Variants in ETV3L observed in about 807,000 individuals in gnomAD.
ETV3L encodes the protein ETS translocation variant 3-like protein.
Under a neutral mutation model 27.6 loss-of-function variants are expected in ETV3L, and 30 were observed. The observed-to-expected ratio is 1.09, with a 90% CI of 0.81 to 1.48. The LOEUF is 1.48. ETV3L is among the 40% of genes most tolerant of loss of function. The pLI, the probability that ETV3L is intolerant of heterozygous loss-of-function variation, is 0.00. For missense variants in ETV3L, 443 were observed against 455.6 expected (o/e 0.97, Z 0.25); for synonymous variants, 186 against 188.9 (o/e 0.98, Z 0.12).
intron 4 of ETV3L, 44 bp downstream of exon 4, chr1:157,097,824 T>C: frequency 1.2e-6 from 2 of 1,609,568 alleles, no homozygotes; most frequent in Non-Finnish European, 8.5e-7. Context: ...CCCTCCCTCC[T>C]CTGGCTAAGA....
intron 4 of ETV3L, among the ~76,000 whole-genome samples, chr1:157,096,008 C>T (rs887462163): frequency 6.6e-6 from 1 of 152,182 alleles, no homozygotes; most frequent in Non-Finnish European, 1.5e-5. Flanking sequence ...CCATTTCCAC[C>T]TCTTCTCCCA....
intron 4 of ETV3L, among the ~76,000 whole-genome samples, chr1:157,094,667 C>A (rs1452774040): frequency 6.6e-6 from 1 of 152,268 alleles, no homozygotes; most frequent in South Asian, 2.1e-4. Context: ...AATCCCAGCA[C>A]TTTGGGAGGC....
intron 3 of ETV3L, 33 bp downstream of exon 3, chr1:157,098,673 G>A (rs1011683437): frequency 1.3e-6 from 2 of 1,536,408 alleles, no homozygotes; most frequent in African/African-American, 1.4e-5. Context: ...GGACCTGGTG[G>A]AGCCCTGAGA....
At chr1:157,097,501 AT>A (rs1214113769) in intron 4 of ETV3L, among the ~76,000 whole-genome samples, 2 of 151,128 alleles carry the variant, frequency 1.3e-5, no homozygotes, top group Non-Finnish European at 3.0e-5. Context: ...GAATAAATAA[AT>A]GCTATTCCCT....
In ETV3L at chr1:157,098,877, C is replaced by A. The variant is rs1674284268; in HGVS notation, c.315G>T (p.Arg105Ser). ...SRALRYYYNK[R>S]ILHKTKGKRF... is the part of the protein sequence containing the mutation. ...TTTTGCCTTTGGTCTTATGCAGGAT[C>A]CTCTTATTGTAGTAATATCTGGAGA... The change falls in exon 3 of 5, where the codon AGG (arginine) becomes AGT (serine). Residue 105 changes from arginine to serine, a missense_variant. Coordinates refer to ENST00000454449, the MANE Select transcript of ETV3L (RefSeq NM_001004341.2). The A allele has an allele frequency of 1.2e-6, 2 of 1,612,598 alleles. No individual in the cohort carries two copies. The highest frequency in any genetic ancestry group is 2.2e-5 in the East Asian group (1 of 44,870).
At position 157,098,764 on chromosome 1, in the gene ETV3L, A is replaced by G. The variant is rs1354808177; in HGVS notation, c.428T>C (p.Leu143Pro). Reference protein sequence around the residue: ...EVRAPPSPHLLLGAPALCRPA... With the variant: ...EVRAPPSPHLPLGAPALCRPA... Reference sequence around the variant, plus strand: ...CCGACACAGGGCAGGGGCCCCCAGCAGCAAGTGGGGGGATGGCGGCGCCCG... The same window carrying G: ...CCGACACAGGGCAGGGGCCCCCAGCGGCAAGTGGGGGGATGGCGGCGCCCG... The change falls in exon 3 of 5, where the codon CTG becomes CCG. Residue 143 changes from leucine to proline, a missense_variant. Transcript: ENST00000454449. 6.2e-7 allele frequency: 1 copy of G among 1,613,780 alleles called. No homozygotes were observed. Among genetic ancestry groups the G allele is most frequent in the Non-Finnish European group, 8.5e-7 (1 of 1,179,874 alleles).
chr1:157,098,003 G>T lies in ETV3L; in HGVS notation c.487-15C>A. 1 of 1,591,514 alleles carries T rather than the reference G, an allele frequency of 6.3e-7. No individual in the cohort carries two copies. Among genetic ancestry groups the T allele is most frequent in the Non-Finnish European group, 8.6e-7 (1 of 1,168,220 alleles). On this transcript the variant is annotated splice_polypyrimidine_tract_variant and intron_variant, in intron 3 of 4. Transcript: ENST00000454449. ...CTGTGCAGGAGCTGAGGGGTGAGAA[G>T]TAGGTGCGAGGTGTGATGGGCTCTC... is the stretch of plus-strand genomic sequence containing the variant.
intron 3 of ETV3L, 69 bp downstream of exon 3, chr1:157,098,637 T>C: frequency 2.1e-6 from 3 of 1,414,878 alleles, no homozygotes; most frequent in South Asian, 1.5e-5. Flanking sequence ...AAGAGGAGGG[T>C]GGGGAGCCTC....
intron 4 of ETV3L, among the ~76,000 whole-genome samples, chr1:157,093,611 C>T (rs1273694360): frequency 3.3e-5 from 5 of 151,900 alleles, no homozygotes; most frequent in African/African-American, 1.2e-4. Context: ...CCTGTCTCAG[C>T]CTCTCGAGTA....
rs1571678351 is a variant in ETV3L at position 157,092,588 on chromosome 1, T to G, written c.*61A>C. Reference sequence around the variant, plus strand: ...GGGGAAGGGGCTAACCCAGAGGCGGTGGGCAAGAGGAGAGATGGACTTTGG... The same window carrying G: ...GGGGAAGGGGCTAACCCAGAGGCGGGGGGCAAGAGGAGAGATGGACTTTGG... On this transcript the variant is annotated 3_prime_UTR_variant, in exon 5 of 5. Coordinates refer to ENST00000454449, the MANE Select transcript of ETV3L (RefSeq NM_001004341.2). 7.1e-7 allele frequency: 1 copy of G among 1,410,284 alleles called. No homozygotes were observed. The highest frequency in any genetic ancestry group is 2.1e-5 in the Admixed American group (1 of 47,796). The allele number at this position is 1,410,284 out of a possible 1,614,324, so 87.4% of individuals were successfully genotyped here.
chr1:157,097,349 T>C (rs753895537), intron 4 of ETV3L, among the ~76,000 whole-genome samples: 2 of 151,412 alleles, frequency 1.3e-5, no homozygotes, highest in African/African-American at 4.9e-5. Context: ...GGTGCATGTC[T>C]GTAGTCCCAG....
In ETV3L at chr1:157,092,630, T is replaced by C; in HGVS notation, c.*19A>G. ...GGACTTTGGAGGACTCCTCCCCAAC[T>C]TCCCACCTTCCTCTCTAGTTAAGGA... On this transcript the variant is annotated 3_prime_UTR_variant, in exon 5 of 5. Coordinates refer to ENST00000454449, the MANE Select transcript of ETV3L (RefSeq NM_001004341.2). The C allele has an allele frequency of 6.4e-7, 1 of 1,569,886 alleles. No individual in the cohort carries two copies. The highest frequency in any genetic ancestry group is 2.2e-5 in the East Asian group (1 of 44,536).
At chr1:157,096,821 A>G (rs1430527008) in intron 4 of ETV3L, among the ~76,000 whole-genome samples, 2 of 152,244 alleles carry the variant, frequency 1.3e-5, no homozygotes, top group Non-Finnish European at 2.9e-5. Flanking sequence ...TGGGAGGCTG[A>G]GGCATGAGAA....
chr1:157,093,034 G>A lies in ETV3L; in HGVS notation c.701C>T (p.Pro234Leu). The stretch of plus-strand genomic sequence containing the variant: ...GGAGGGCAGAGGGGGCGGGAGGGGA[G>A]GAGTGAAGGAGGCAACACCAGGCAG... ...GELPGVASFTPPLPPPLPSNW... is the reference protein window; with the variant it reads ...GELPGVASFTLPLPPPLPSNW... The change falls in exon 5 of 5, where the codon CCT (proline) becomes CTT (leucine). Residue 234 changes from proline to leucine, a missense_variant. Pro to Leu is a moderately conservative substitution (Grantham distance 98, BLOSUM62 -3). Coordinates refer to ENST00000454449, the MANE Select transcript of ETV3L (RefSeq NM_001004341.2). 6.3e-7 allele frequency: 1 copy of A among 1,583,806 alleles called. No homozygotes were observed. Among genetic ancestry groups the A allele is most frequent in the Non-Finnish European group, 8.6e-7 (1 of 1,165,094 alleles).
At position 157,099,516 on chromosome 1, in the gene ETV3L, C is replaced by T; in HGVS notation, c.8G>A (p.Cys3Tyr). ...TGGGATGCCCTCAGCCAAGCAGCTGCAGTGCATGGTCCACTCCGGCGAGAT... is the reference window on the plus strand; with the variant it reads ...TGGGATGCCCTCAGCCAAGCAGCTGTAGTGCATGGTCCACTCCGGCGAGAT... MH[C>Y]SCLAEGIPAN... The change falls in exon 1 of 5, where the codon TGC becomes TAC. Residue 3 changes from cysteine to tyrosine, a missense_variant. Coordinates refer to ENST00000454449, the MANE Select transcript of ETV3L (RefSeq NM_001004341.2). 1 of 1,611,450 alleles carries T rather than the reference C, an allele frequency of 6.2e-7. No homozygotes were observed. Among genetic ancestry groups the T allele is most frequent in the East Asian group, 2.2e-5 (1 of 44,758 alleles).
At chr1:157,093,489 T>TTTTTC in intron 4 of ETV3L, among the ~76,000 whole-genome samples, 1 of 151,910 alleles carries the variant, frequency 6.6e-6, no homozygotes, top group Admixed American at 6.5e-5. Context: ...TTTTTTCTTT[T>TTTTTC]TTTTCTTTTC....
Position 157,099,506 on chromosome 1 carries a change from C to G in ETV3L, c.18G>C (p.Leu6Phe). Residue 6 changes from leucine to phenylalanine, a missense_variant, in exon 1 of 5, where the codon TTG (leucine) becomes TTC (phenylalanine). Physicochemically the swap from Leu to Phe is conservative, Grantham distance 22. Transcript: ENST00000454449. The part of the protein sequence containing the change: MHCSC[L>F]AEGIPANPGN... ...CGGGGTTGGCTGGGATGCCCTCAGC[C>G]AAGCAGCTGCAGTGCATGGTCCACT... 6.2e-7 allele frequency: 1 copy of G among 1,612,332 alleles called. No homozygotes were observed. Among genetic ancestry groups the G allele is most frequent in the Non-Finnish European group, 8.5e-7 (1 of 1,179,368 alleles).
chr1:157,096,834 G>T (rs1460494993), intron 4 of ETV3L, among the ~76,000 whole-genome samples: 1 of 152,080 alleles, frequency 6.6e-6, no homozygotes, highest in African/African-American at 2.4e-5. Flanking sequence ...CATGAGAATC[G>T]CTTGAACCCA....
chr1:157,098,785 G>C lies in ETV3L; in HGVS notation c.407C>G (p.Ala136Gly). The part of the protein sequence containing the change: ...VVNYPLWEVR[A>G]PPSPHLLLGA... The stretch of plus-strand genomic sequence containing the variant: ...CAGCAGCAAGTGGGGGGATGGCGGC[G>C]CCCGCACTTCCCACAAAGGATAGTT... The change falls in exon 3 of 5, where the codon GCG (alanine) becomes GGG (glycine). Residue 136 changes from alanine to glycine, a missense_variant. Coordinates refer to ENST00000454449, the MANE Select transcript of ETV3L (RefSeq NM_001004341.2). 6.2e-7 allele frequency: 1 copy of C among 1,614,068 alleles called. No homozygotes were observed. The highest frequency in any genetic ancestry group is 8.5e-7 in the Non-Finnish European group (1 of 1,179,978).
Sources: allele counts gnomAD v4.1 joint callset (sites outside exome capture counted in the v4.1 genomes callset), GRCh38; gene constraint gnomAD v4.1.1; transcripts MANE v1.5; gene names NCBI Gene and HGNC (gene_info 2026-07-23, HGNC 2026-07-21).